The following FHIT variants were observed in gnomAD, a reference collection of about 807,000 sequenced individuals.
The protein encoded by FHIT is bis(5'-adenosyl)-triphosphatase.
In FHIT, 19 loss-of-function variants were observed where a neutral mutation model predicts 17.9. The ratio of observed to expected loss-of-function variants is 1.06; its 90% CI spans 0.74 to 1.56. The LOEUF is 1.56. Among genes scored for constraint, FHIT ranks in the 40% most tolerant of loss-of-function variants. The probability of loss-of-function intolerance (pLI) is 0.00; values close to 1 mark genes in which losing one functional copy is unlikely to be tolerated. For synonymous variants in FHIT, 81 were observed against 69.7 expected (o/e 1.16, Z -0.81); for missense variants, 248 against 189.2 (o/e 1.31, Z -1.82).
intron 5 of FHIT, among the ~76,000 whole-genome samples, chr3:60,273,505 G>T (rs1177193422): frequency 6.6e-6 from 1 of 152,118 alleles, no homozygotes; most frequent in Non-Finnish European, 1.5e-5. Context: ...AGCTACTCAG[G>T]AGGCTGAGGG....
At chr3:60,744,086 T>C (rs1260777991) in intron 4 of FHIT, among the ~76,000 whole-genome samples, 2 of 151,944 alleles carry the variant, frequency 1.3e-5, no homozygotes, top group African/African-American at 2.4e-5. Flanking sequence ...CAAATCTGCC[T>C]AGAGACACAG....
chr3:60,797,387 G>T (rs1236942584), intron 4 of FHIT, among the ~76,000 whole-genome samples: 1 of 151,828 alleles, frequency 6.6e-6, no homozygotes, highest in East Asian at 1.9e-4. Flanking sequence ...TTTGAGCAGT[G>T]GAAAGGCATA....
At chr3:60,955,153 A>G (rs1254013560) in intron 3 of FHIT, among the ~76,000 whole-genome samples, 1 of 152,198 alleles carries the variant, frequency 6.6e-6, no homozygotes, top group Non-Finnish European at 1.5e-5. Flanking sequence ...AATGTAAATG[A>G]AAAGCAAGCA....
chr3:60,508,152 G>A (rs1454716681), intron 5 of FHIT, among the ~76,000 whole-genome samples: 1 of 152,120 alleles, frequency 6.6e-6, no homozygotes. Flanking sequence ...GAGGAATGCT[G>A]GTGGCTTGGA....
At chr3:60,628,606 C>T (rs2039356989) in intron 4 of FHIT, among the ~76,000 whole-genome samples, 1 of 152,198 alleles carries the variant, frequency 6.6e-6, no homozygotes, top group Non-Finnish European at 1.5e-5. Flanking sequence ...TTTTTCGTTA[C>T]TCCAGGAGGG....
At chr3:59,777,834 C>T (rs1270934566) in intron 8 of FHIT, among the ~76,000 whole-genome samples, 2 of 152,148 alleles carry the variant, frequency 1.3e-5, no homozygotes, top group Non-Finnish European at 2.9e-5. Context: ...CATGCTCATC[C>T]TGGATGTATG....
chr3:60,452,459 C>T (rs1475576760), intron 5 of FHIT, among the ~76,000 whole-genome samples: 1 of 152,168 alleles, frequency 6.6e-6, no homozygotes, highest in East Asian at 1.9e-4. Flanking sequence ...AAGGATTCAA[C>T]ATGCATCACC....
At chr3:60,453,839 T>C (rs1339075432) in intron 5 of FHIT, among the ~76,000 whole-genome samples, 1 of 152,130 alleles carries the variant, frequency 6.6e-6, no homozygotes, top group Non-Finnish European at 1.5e-5. Flanking sequence ...ATAAGCTATA[T>C]AAAGCATGCT....
chr3:61,089,401 C>T (rs2035408664), intron 2 of FHIT, among the ~76,000 whole-genome samples: 1 of 152,190 alleles, frequency 6.6e-6, no homozygotes, highest in Non-Finnish European at 1.5e-5. Context: ...TTCCTTCTTC[C>T]TCCAGTGCCT....
intron 4 of FHIT, among the ~76,000 whole-genome samples, chr3:60,653,446 T>C (rs1164624063): frequency 6.6e-6 from 1 of 152,008 alleles, no homozygotes; most frequent in African/African-American, 2.4e-5. Flanking sequence ...AAATAAAATA[T>C]ATAGATGAAC....
chr3:61,221,226 T>C (rs1422888328), intron 1 of FHIT, among the ~76,000 whole-genome samples: 1 of 152,216 alleles, frequency 6.6e-6, no homozygotes, highest in Non-Finnish European at 1.5e-5. Context: ...ATTCTGACAA[T>C]GTGGCATTTG....
At chr3:60,704,740 A>G (rs1274947547) in intron 4 of FHIT, among the ~76,000 whole-genome samples, 2 of 152,206 alleles carry the variant, frequency 1.3e-5, no homozygotes, top group African/African-American at 4.8e-5. Flanking sequence ...TGTCAGGGTC[A>G]TACCTTCCTT....
At chr3:60,010,604 T>G (rs1355587613) in intron 7 of FHIT, among the ~76,000 whole-genome samples, 1 of 152,222 alleles carries the variant, frequency 6.6e-6, no homozygotes, top group Non-Finnish European at 1.5e-5. Flanking sequence ...GCTTCTGACT[T>G]CTAGCACCAA....
rs139159061 is a variant in FHIT at position 59,953,280 on chromosome 3, G to GTC, written c.280-30868_280-30867dup. Among the ~76,000 whole-genome samples, 191 of 151,990 alleles carry GTC rather than the reference G, an allele frequency of 1.3e-3. 1 individual carries two copies. Among genetic ancestry groups the GTC allele is most frequent in the African/African-American group, 4.4e-3 (181 of 41,460 alleles). On this transcript the variant is annotated intron_variant, in intron 7 of 9. Coordinates refer to ENST00000492590, the MANE Select transcript of FHIT (RefSeq NM_002012.4). ...TCTCTGTTTCTCTCTCGGTCTTGAT[G>GTC]TCTCTCTGTGTGAGTGTCTCTCTCT...
At chr3:60,394,030 G>A (rs1261182467) in intron 5 of FHIT, among the ~76,000 whole-genome samples, 1 of 152,134 alleles carries the variant, frequency 6.6e-6, no homozygotes, top group East Asian at 1.9e-4. Flanking sequence ...ATGAGTAGGA[G>A]GGGAAAAGAA....
At chr3:60,271,718 G>A (rs1008551447) in intron 5 of FHIT, among the ~76,000 whole-genome samples, 1 of 152,142 alleles carries the variant, frequency 6.6e-6, no homozygotes, top group African/African-American at 2.4e-5. Context: ...TAAGCATTCT[G>A]TTGTTGGTAT....
intron 5 of FHIT, among the ~76,000 whole-genome samples, chr3:60,060,726 C>T (rs1467828144): frequency 6.6e-6 from 1 of 152,150 alleles, no homozygotes; most frequent in Admixed American, 6.5e-5. Context: ...TGACTTTTCT[C>T]CCCCAGTGTG....
At chr3:60,928,714 G>A (rs1707788544) in intron 3 of FHIT, among the ~76,000 whole-genome samples, 1 of 152,026 alleles carries the variant, frequency 6.6e-6, no homozygotes, top group South Asian at 2.1e-4. Flanking sequence ...TGAAATTGAG[G>A]CAACAATTAA....
intron 5 of FHIT, among the ~76,000 whole-genome samples, chr3:60,019,777 G>A (rs898043059): frequency 2.6e-5 from 4 of 152,138 alleles, no homozygotes; most frequent in Admixed American, 2.6e-4. Flanking sequence ...TAAAAATAGG[G>A]AGAGAAAGGT....
Sources: gnomAD v4.1 joint callset for allele counts (sites outside exome capture counted in the v4.1 genomes callset) on GRCh38, gnomAD v4.1.1 for gene constraint, MANE v1.5 for transcripts, NCBI Gene and HGNC (gene_info 2026-07-23, HGNC 2026-07-21) for gene names.